Variants in ADAMTS12 observed in about 807,000 individuals in gnomAD.
The protein encoded by ADAMTS12 is A disintegrin and metalloproteinase with thrombospondin motifs 12.
Under a neutral mutation model 167.8 loss-of-function variants are expected in ADAMTS12, and 118 were observed. The observed-to-expected ratio is 0.70, with a 90% CI of 0.61 to 0.82. The LOEUF (loss-of-function observed/expected upper bound fraction) is 0.82, where lower values mean the gene tolerates loss of function less well. Ranked by LOEUF, ADAMTS12 falls within the 40% of genes least tolerant of loss-of-function variation. The pLI, the probability that ADAMTS12 is intolerant of heterozygous loss-of-function variation, is 0.00. For missense variants in ADAMTS12, 1,916 were observed against 1,998.8 expected (o/e 0.96, Z 0.79); for synonymous variants, 704 against 716.9 (o/e 0.98, Z 0.29).
At chr5:33,604,541 AC>A (rs896832865) in intron 16 of ADAMTS12, among the ~76,000 whole-genome samples, 131 of 150,524 alleles carry the variant, frequency 8.7e-4, no homozygotes, top group African/African-American at 3.0e-3. Flanking sequence ...AGAAAGAACA[AC>A]CCCCCACCAC....
At chr5:33,729,471 A>C (rs1051413626) in intron 3 of ADAMTS12, among the ~76,000 whole-genome samples, 1 of 152,252 alleles carries the variant, frequency 6.6e-6, no homozygotes, top group Non-Finnish European at 1.5e-5. Flanking sequence ...GCCCAAATTA[A>C]GTCTCCTTCC....
In ADAMTS12 at chr5:33,573,101, G is replaced by A. The variant is rs752646072; in HGVS notation, c.3972+2953C>T. Among the ~76,000 whole-genome samples the A allele has an allele frequency of 1.3e-5, 2 of 152,142 alleles. 1 individual carries two copies. The highest frequency in any genetic ancestry group is 4.8e-5 in the African/African-American group (2 of 41,418). ...ACCACTGCTCAATGAAATAAAACAG[G>A]ATACAAAGAAATGGAAGAAGATTCC... On this transcript the variant is annotated intron_variant, in intron 19 of 23. Transcript: ENST00000504830.
chr5:33,758,633 G>A (rs1745247134), intron 2 of ADAMTS12, among the ~76,000 whole-genome samples: 1 of 152,186 alleles, frequency 6.6e-6, no homozygotes, highest in South Asian at 2.1e-4. Context: ...GAAGGAGGAA[G>A]GTGTGAACCA....
At chr5:33,878,158 C>G (rs921091415) in intron 2 of ADAMTS12, among the ~76,000 whole-genome samples, 1 of 152,170 alleles carries the variant, frequency 6.6e-6, no homozygotes, top group African/African-American at 2.4e-5. Flanking sequence ...CAACCACTAT[C>G]CTTTGGACTA....
chr5:33,615,733 T>C, intron 15 of ADAMTS12, 95 bp downstream of exon 15: 2 of 1,512,626 alleles, frequency 1.3e-6, no homozygotes, highest in Non-Finnish European at 1.8e-6. Context: ...GTTTTAAAGA[T>C]TCTGACTTAA....
At chr5:33,772,279 T>C (rs1358132717) in intron 2 of ADAMTS12, among the ~76,000 whole-genome samples, 1 of 152,156 alleles carries the variant, frequency 6.6e-6, no homozygotes, top group Non-Finnish European at 1.5e-5. Context: ...AAAAGGACAC[T>C]GTCATCTGCC....
chr5:33,756,996 T>C (rs938006309), intron 2 of ADAMTS12, among the ~76,000 whole-genome samples: 4 of 152,220 alleles, frequency 2.6e-5, no homozygotes, highest in Non-Finnish European at 5.9e-5. Flanking sequence ...TTATTTAAAT[T>C]TAATTAGCTT....
At chr5:33,640,232 C>T (rs1740389333) in intron 11 of ADAMTS12, among the ~76,000 whole-genome samples, 2 of 152,132 alleles carry the variant, frequency 1.3e-5, no homozygotes, top group South Asian at 4.1e-4. Flanking sequence ...TTTAAGCAAA[C>T]CGGCAATGAA....
chr5:33,573,023 T>C (rs1279011761), intron 19 of ADAMTS12, among the ~76,000 whole-genome samples: 7 of 150,994 alleles, frequency 4.6e-5, no homozygotes, highest in African/African-American at 7.3e-5. Context: ...AATAAAATAC[T>C]TAGGAATCCA....
chr5:33,734,888 C>G (rs1259755560), intron 3 of ADAMTS12, among the ~76,000 whole-genome samples: 1 of 152,198 alleles, frequency 6.6e-6, no homozygotes, highest in Non-Finnish European at 1.5e-5. Context: ...CTTTGGCTCT[C>G]AAATTTCTAG....
At chr5:33,609,165 A>T (rs1303442960) in intron 16 of ADAMTS12, among the ~76,000 whole-genome samples, 1 of 152,194 alleles carries the variant, frequency 6.6e-6, no homozygotes, top group South Asian at 2.1e-4. Context: ...ATTCCTAAGG[A>T]AACTGGATTC....
At chr5:33,663,005 T>C (rs1252694113) in intron 5 of ADAMTS12, among the ~76,000 whole-genome samples, 2 of 152,196 alleles carry the variant, frequency 1.3e-5, no homozygotes, top group Admixed American at 1.3e-4. Flanking sequence ...TCTACCATTC[T>C]GTATTTTGCT....
Position 33,576,423 on chromosome 5 carries a change from T to G in ADAMTS12, c.3603A>C (p.Thr1201=). The change falls in exon 19 of 24, where the codon ACA becomes ACC. Residue 1201 remains threonine, a synonymous_variant. Coordinates refer to ENST00000504830, the MANE Select transcript of ADAMTS12 (RefSeq NM_030955.4). ...STEMPLAPPL[T]PDLSRESWWP... ...ACCAGGACTCCCTGCTGAGATCTGG[T>G]GTTAGTGGAGGTGCAAGTGGCATTT... 2.5e-6 allele frequency: 4 copies of G among 1,612,870 alleles called. No individual in the cohort carries two copies. Among genetic ancestry groups the G allele is most frequent in the Non-Finnish European group, 3.4e-6 (4 of 1,179,256 alleles).
intron 3 of ADAMTS12, among the ~76,000 whole-genome samples, chr5:33,739,266 T>TAAACACACACACATATAGGC (rs1744480321): frequency 5.9e-5 from 9 of 151,608 alleles, no homozygotes; most frequent in South Asian, 4.2e-4. Context: ...CACACACACA[T>TAAACACACACACATATAGGC]AAACACACAC....
chr5:33,735,576 G>A (rs1207829673), intron 3 of ADAMTS12, among the ~76,000 whole-genome samples: 1 of 152,178 alleles, frequency 6.6e-6, no homozygotes, highest in Non-Finnish European at 1.5e-5. Flanking sequence ...CTTATGGACT[G>A]TAGTTGCCTG....
At chr5:33,595,901 A>G in intron 17 of ADAMTS12, 33 bp downstream of exon 17, 1 of 1,613,060 alleles carries the variant, frequency 6.2e-7, no homozygotes, top group Non-Finnish European at 8.5e-7. Context: ...CTGTAGGCAG[A>G]CACACAGAGC....
chr5:33,725,733 C>A (rs1052275582), intron 3 of ADAMTS12, among the ~76,000 whole-genome samples: 1 of 152,194 alleles, frequency 6.6e-6, no homozygotes, highest in Non-Finnish European at 1.5e-5. Flanking sequence ...GCAATCATAG[C>A]CACACCTCAG....
chr5:33,550,779 A>G (rs1284469173), intron 20 of ADAMTS12, among the ~76,000 whole-genome samples: 1 of 152,188 alleles, frequency 6.6e-6, no homozygotes, highest in Non-Finnish European at 1.5e-5. Context: ...CATCACTGCC[A>G]TGAAAGCAGA....
chr5:33,743,729 A>G (rs979535675), intron 3 of ADAMTS12, among the ~76,000 whole-genome samples: 25 of 152,104 alleles, frequency 1.6e-4, no homozygotes. Flanking sequence ...CCATCCATCC[A>G]TCCATCCACC....
Sources: allele counts gnomAD v4.1 joint callset (sites outside exome capture counted in the v4.1 genomes callset), GRCh38; gene constraint gnomAD v4.1.1; transcripts MANE v1.5; gene names NCBI Gene and HGNC (gene_info 2026-07-23, HGNC 2026-07-21).